Variants in PLEC observed in about 807,000 individuals in gnomAD.
PLEC encodes hemidesmosomal protein 1.
In PLEC, 216 loss-of-function variants were observed where a neutral mutation model predicts 392.8. That is an observed-to-expected ratio of 0.55 (90% CI 0.49 to 0.62). The LOEUF (loss-of-function observed/expected upper bound fraction) is 0.62. Ranked by LOEUF, PLEC falls within the 20% of genes least tolerant of loss-of-function variation. PLEC has a pLI of 0.00. For missense variants in PLEC, 6,863 were observed against 6,563.4 expected (o/e 1.05, Z -1.58); for synonymous variants, 3,621 against 2,980.6 (o/e 1.21, Z -7.00).
chr8:143,918,800 C>T lies in PLEC; in HGVS notation c.11021G>A (p.Arg3674His), dbSNP rs782720846. ...GGCGGACTCCGCCTCGAGAGCCTCA[C>T]GGAGGCTCCTGGTGCCCTCCCGGAG... ...NLLREGTRSL[R>H]EALEAESAWC... is the part of the protein sequence containing the mutation. The change falls in exon 32 of 32, where the codon CGT becomes CAT. Residue 3674 changes from arginine (R) to histidine (H), a missense_variant. Coordinates refer to ENST00000345136, the MANE Select transcript of PLEC (RefSeq NM_201384.3). 2.7e-5 allele frequency: 43 copies of T among 1,613,032 alleles called. No homozygotes were observed. Among genetic ancestry groups the T allele is most frequent in the South Asian group, 1.5e-4 (14 of 91,090 alleles).
At chr8:143,936,936 A>T in intron 5 of PLEC, 43 bp downstream of exon 5, 2 of 1,468,812 alleles carry the variant, frequency 1.4e-6, no homozygotes, top group African/African-American at 2.8e-5. Flanking sequence ...GCTACCCTGG[A>T]AACTCCTGCA....
At position 143,922,815 on chromosome 8, in the gene PLEC, G is replaced by A. The variant is rs781879464; in HGVS notation, c.7114C>T (p.Arg2372Trp). The stretch of plus-strand genomic sequence containing the variant: ...GCGCTCATCTCCAGCTGCCGCTGCC[G>A]CTCGGCCTCCAGCGTCCGCTGGAAG... Reference protein sequence around the residue: ...QGFQRTLEAERQRQLEMSAEA... With the variant: ...QGFQRTLEAEWQRQLEMSAEA... The change falls in exon 31 of 32, where the codon CGG becomes TGG. Residue 2372 changes from arginine to tryptophan, a missense_variant. Physicochemically the swap from Arg to Trp is moderately radical, Grantham distance 101. Transcript: ENST00000345136. 7.6e-6 allele frequency: 12 copies of A among 1,586,026 alleles called. No individual in the cohort carries two copies. Among genetic ancestry groups the A allele is most frequent in the East Asian group, 4.6e-5 (2 of 43,144 alleles).
Position 143,923,185 on chromosome 8 carries a change from C to T in PLEC, c.6744G>A (p.Glu2248=), listed in dbSNP as rs543681854. The change falls in exon 31 of 32, where the codon GAG becomes GAA. Residue 2248 remains glutamate (E), a synonymous_variant. Coordinates refer to ENST00000345136, the MANE Select transcript of PLEC (RefSeq NM_201384.3). ...EELSKLKARI[E]AENRALILRD... is the part of the protein sequence containing the mutation. ...GCAAGATGAGTGCGCGGTTCTCAGC[C>T]TCGATGCGTGCCTTGAGCTTGCTCA... 15 of 1,602,586 alleles carry T rather than the reference C, an allele frequency of 9.4e-6. No homozygotes were observed. The African/African-American group carries it at 1.9e-4, about 20-fold the overall frequency.
In PLEC at chr8:143,927,641, C is replaced by G; in HGVS notation, c.3525G>C (p.Glu1175Asp). The G allele has an allele frequency of 6.3e-7, 1 of 1,586,250 alleles. No homozygotes were observed. The highest frequency in any genetic ancestry group is 2.3e-5 in the East Asian group (1 of 43,754). The change falls in exon 27 of 32, where the codon GAG becomes GAC. Residue 1175 changes from glutamate (E) to aspartate (D), a missense_variant. Physicochemically the swap from Glu to Asp is conservative, Grantham distance 45 (BLOSUM62 2). Transcript: ENST00000345136. ...QRHGERDVEV[E>D]RWRERVAQLL... is the part of the protein sequence containing the mutation. ...ACTGGGCGACCCGCTCCCGCCAGCG[C>G]TCCACCTCCACGTCCCGCTCCCCGT...
Position 143,919,386 on chromosome 8 carries a change from G to T in PLEC, c.10435C>A (p.His3479Asn). The change falls in exon 32 of 32, where the codon CAC becomes AAC. Residue 3479 changes from histidine (H) to asparagine (N), a missense_variant. His to Asn is a moderately conservative substitution (Grantham distance 68). Transcript: ENST00000345136. ...ACGTCCACAGGCACGCGGTGGCTGT[G>T]CACGGGGTCGATGATGCCGCCCGTG... ...IATGGIIDPV[H>N]SHRVPVDVAY... The T allele has an allele frequency of 6.2e-7, 1 of 1,613,636 alleles. No individual in the cohort carries two copies. The highest frequency in any genetic ancestry group is 8.5e-7 in the Non-Finnish European group (1 of 1,179,994).
Position 143,931,786 on chromosome 8 carries a change from A to T in PLEC, c.2179-127T>A, listed in dbSNP as rs1051104974. ...GGCAAAGCCCCCAGGAGGCCTGGGG[A>T]GCACCCCTGTCCAAGGCCCCGGTCA... is the stretch of plus-strand genomic sequence containing the variant. On this transcript the variant is annotated intron_variant, in intron 18 of 31. Coordinates refer to ENST00000345136, the MANE Select transcript of PLEC (RefSeq NM_201384.3). 17 of 1,480,992 alleles carry T rather than the reference A, an allele frequency of 1.1e-5. No homozygotes were observed. The South Asian group carries it at 2.1e-4, about 18-fold the overall frequency. 91.7% of individuals were successfully genotyped at this position (1,480,992 alleles called of 1,614,324 possible).
Position 143,939,177 on chromosome 8 carries a change from C to T in PLEC, c.112+173G>A, listed in dbSNP as rs11136339. Among the ~76,000 whole-genome samples, 45,965 of 152,174 alleles carry T rather than the reference C, an allele frequency of 0.3. 8,121 individuals carry two copies. Among genetic ancestry groups the T allele is most frequent in the Non-Finnish European group, 0.39 (26,811 of 67,948 alleles). ...CTGACGCTCGGAGGCCCCCGTCAGC[C>T]TCGCGGGCGCCTGTCGGCCCACTCC... is the stretch of plus-strand genomic sequence containing the variant. On this transcript the variant is annotated intron_variant, in intron 1 of 31. Coordinates refer to ENST00000345136, the MANE Select transcript of PLEC (RefSeq NM_201384.3).
intron 1 of PLEC, among the ~76,000 whole-genome samples, chr8:143,963,618 A>C (rs1413628846): frequency 6.6e-6 from 1 of 152,134 alleles, no homozygotes; most frequent in East Asian, 1.9e-4. Context: ...CCAGAGCCTC[A>C]CCAACACCTG....
At chr8:143,951,596 T>C (rs1554736657), upstream of PLEC, among the ~76,000 whole-genome samples, 1 of 151,974 alleles carries the variant, frequency 6.6e-6, no homozygotes, top group African/African-American at 2.4e-5. Context: ...GAGCACCGGC[T>C]AGGGGGCTCA....
In PLEC at chr8:143,917,920, C is replaced by CA; in HGVS notation, c.11900dup (p.Glu3968GlyfsTer89). 6.2e-7 allele frequency: 1 copy of CA among 1,613,204 alleles called. No homozygotes were observed. Among genetic ancestry groups the CA allele is most frequent in the Non-Finnish European group, 8.5e-7 (1 of 1,179,988 alleles). ...CGTAACCGGTGGCCGCCTGCGCCTC[C>CA]AGGAGCTCAAAGGCTGTGCCGGGGC... On this transcript the variant is annotated frameshift_variant, in exon 32 of 32. Transcript: ENST00000345136. LOFTEE classifies it high-confidence loss of function.
intron 1 of PLEC, among the ~76,000 whole-genome samples, chr8:143,971,080 A>G (rs1427614663): frequency 1.3e-5 from 2 of 152,192 alleles, no homozygotes; most frequent in Non-Finnish European, 2.9e-5. Flanking sequence ...CTGACTGTAC[A>G]GGGAAGACCG....
chr8:143,961,612 C>A (rs782329268), intron 1 of PLEC, among the ~76,000 whole-genome samples: 2 of 152,084 alleles, frequency 1.3e-5, no homozygotes, highest in Non-Finnish European at 2.9e-5. Context: ...TACAAAAATC[C>A]AAAATTAAAC....
At chr8:143,956,653 A>G (rs1832611330), upstream of PLEC, among the ~76,000 whole-genome samples, 1 of 152,224 alleles carries the variant, frequency 6.6e-6, no homozygotes, top group African/African-American at 2.4e-5. Flanking sequence ...ACAGCTTTTC[A>G]TGCACCGACT....
chr8:143,950,591 TGGG>T lies in PLEC; in HGVS notation c.113_115del (p.Pro38del), dbSNP rs782253915. ...CTGCAGGTTGGTGACGCCGGGCACA[TGGG>T]GGTGCAAGCTGCGGGGCCGCCGGTC... On this transcript the variant is annotated inframe_deletion, in exon 1 of 32. Coordinates refer to the PLEC transcript ENST00000322810. 13 of 1,607,774 alleles carry T rather than the reference TGGG, an allele frequency of 8.1e-6. No homozygotes were observed. The African/African-American group carries it at 1.3e-4, about 17-fold the overall frequency.
chr8:143,957,466 T>A (rs993274998), upstream of PLEC, among the ~76,000 whole-genome samples: 5 of 152,174 alleles, frequency 3.3e-5, no homozygotes, highest in Admixed American at 2.0e-4. Flanking sequence ...TGGGGTGCCA[T>A]CAGGTCTCCT....
chr8:143,943,772 G>A (rs782704181), upstream of PLEC: 3 of 1,610,434 alleles, frequency 1.9e-6, no homozygotes, highest in Admixed American at 1.7e-5. Context: ...CCACCAGCGG[G>A]GCTTACCTTG....
chr8:143,924,690 T>G lies in PLEC; in HGVS notation c.5239A>C (p.Thr1747Pro). 1 of 1,534,316 alleles carries G rather than the reference T, an allele frequency of 6.5e-7. No homozygotes were observed. The highest frequency in any genetic ancestry group is 8.7e-7 in the Non-Finnish European group (1 of 1,146,196). The change falls in exon 31 of 32, where the codon ACG becomes CCG. Residue 1747 changes from threonine (T) to proline (P), a missense_variant. Thr to Pro is a conservative substitution (Grantham distance 38, BLOSUM62 -1). Transcript: ENST00000345136. ...ARLQREAAAA[T>P]QKRQELEAEL... is the part of the protein sequence containing the mutation. The stretch of plus-strand genomic sequence containing the variant: ...GCTTCCAGCTCCTGCCGTTTCTGCG[T>G]GGCTGCAGCCGCCTCACGCTGCAGC...
chr8:143,949,705 C>T (rs1242586722), intron 1 of PLEC, among the ~76,000 whole-genome samples: 3 of 152,236 alleles, frequency 2.0e-5, no homozygotes, highest in African/African-American at 4.8e-5. Flanking sequence ...ACCGGTCACA[C>T]CGGGCACTCT....
upstream of PLEC, among the ~76,000 whole-genome samples, chr8:143,952,918 A>C (rs956836801): frequency 1.2e-4 from 18 of 151,518 alleles, no homozygotes; most frequent in Admixed American, 1.3e-4. Flanking sequence ...GGGAAGCCGC[A>C]GGGAGGAGCC....
Sources: gnomAD v4.1 joint callset for allele counts (sites outside exome capture counted in the v4.1 genomes callset) on GRCh38, gnomAD v4.1.1 for gene constraint, MANE v1.5 for transcripts, NCBI Gene and HGNC (gene_info 2026-07-23, HGNC 2026-07-21) for gene names.